BCAS3: variants seen among roughly 807,000 people sequenced by gnomAD.
BCAS3 encodes the protein BCAS3 microtubule associated cell migration factor, also known as BCAS4/BCAS3 fusion.
BCAS3 carries 53 observed loss-of-function variants against 116.1 expected under a neutral mutation model. The ratio of observed to expected loss-of-function variants is 0.46; its 90% CI spans 0.37 to 0.57. The LOEUF (loss-of-function observed/expected upper bound fraction) is 0.57. Ranked by LOEUF, BCAS3 falls within the 20% of genes least tolerant of loss-of-function variation. The probability of loss-of-function intolerance (pLI) is 0.00; values close to 1 mark genes in which losing one functional copy is unlikely to be tolerated. For synonymous variants in BCAS3, 391 were observed against 408.2 expected (o/e 0.96, Z 0.51); for missense variants, 917 against 1,165.4 (o/e 0.79, Z 3.10).
chr17:61,342,791 G>A (rs35383405), intron 22 of BCAS3, among the ~76,000 whole-genome samples: 6 of 149,156 alleles, frequency 4.0e-5, no homozygotes, highest in African/African-American at 1.5e-4. Context: ...TCCCTCTGTA[G>A]CCCAGGCTGG....
rs529622143 is a variant in BCAS3 at position 61,315,973 on chromosome 17, T to C, written c.2426-52354T>C. 5.3e-5 allele frequency among the ~76,000 whole-genome samples: 8 copies of C among 152,286 alleles called. No individual in the cohort carries two copies. In the South Asian group the frequency reaches 1.5e-3, roughly 28 times the overall value. ...TCTTTAGGACCAGGATTTTCCCTTT[T>C]CATGTGTGTTTTCCAGTGTCTAGGA... On this transcript the variant is annotated intron_variant, in intron 22 of 23. Transcript: ENST00000407086. The surrounding 1 kb of genome is among the most constrained non-coding windows in gnomAD (Gnocchi z 5.3).
rs1375663051 is a variant in BCAS3 at position 61,180,116 on chromosome 17, G to A, written c.2425+95552G>A. 1.3e-5 allele frequency among the ~76,000 whole-genome samples: 2 copies of A among 152,026 alleles called. No homozygotes were observed. The highest frequency in any genetic ancestry group is 1.3e-4 in the Admixed American group (2 of 15,258). Reference sequence around the variant, plus strand: ...CTGGTATTGAGATATTTTGGAGTCCGAGACCAGATTGAGTGCACCATTTTG... The same window carrying A: ...CTGGTATTGAGATATTTTGGAGTCCAAGACCAGATTGAGTGCACCATTTTG... On this transcript the variant is annotated intron_variant, in intron 22 of 23. Transcript: ENST00000407086. This position sits in a 1 kb window ranked among gnomAD's most constrained non-coding sequence, Gnocchi z 6.0.
At chr17:61,030,915 G>GTA (rs1415369295) in intron 16 of BCAS3, among the ~76,000 whole-genome samples, 3 of 151,774 alleles carry the variant, frequency 2.0e-5, no homozygotes, top group African/African-American at 7.3e-5. Flanking sequence ...GTAGAAAGGA[G>GTA]TCCATCGAGA....
In BCAS3 at chr17:61,211,927, T is replaced by C. The variant is rs2081482751; in HGVS notation, c.2425+127363T>C. Among the ~76,000 whole-genome samples, 1 of 152,236 alleles carries C rather than the reference T, an allele frequency of 6.6e-6. No individual in the cohort carries two copies. Among genetic ancestry groups the C allele is most frequent in the African/African-American group, 2.4e-5 (1 of 41,462 alleles). ...ATCCATTTCATTCACTGTTGCAGTT[T>C]GCTGTGTGGGTGTTTCTACAATGTG... is the stretch of plus-strand genomic sequence containing the variant. On this transcript the variant is annotated intron_variant, in intron 22 of 23. Coordinates refer to ENST00000407086, the MANE Select transcript of BCAS3 (RefSeq NM_017679.5). This position sits in a 1 kb window ranked among gnomAD's most constrained non-coding sequence, Gnocchi z 4.4.
At chr17:60,771,716 G>A (rs1190826491) in intron 6 of BCAS3, among the ~76,000 whole-genome samples, 1 of 151,930 alleles carries the variant, frequency 6.6e-6, no homozygotes, top group Non-Finnish European at 1.5e-5. Context: ...CCTATCCCAC[G>A]ACAGGCCCCA....
At position 61,381,873 on chromosome 17, in the gene BCAS3, C is replaced by T. The variant is rs1190780384; in HGVS notation, c.2594-10104C>T. On this transcript the variant is annotated intron_variant, in intron 23 of 23. Coordinates refer to ENST00000407086, the MANE Select transcript of BCAS3 (RefSeq NM_017679.5). This position sits in a 1 kb window ranked among gnomAD's most constrained non-coding sequence, Gnocchi z 6.0. Reference sequence around the variant, plus strand: ...AGTCTTAAAGGGACCTCAACCTCAGCACAGCATTATTAATCTAGAAAATTC... The same window carrying T: ...AGTCTTAAAGGGACCTCAACCTCAGTACAGCATTATTAATCTAGAAAATTC... 6.6e-6 allele frequency among the ~76,000 whole-genome samples: 1 copy of T among 152,154 alleles called. No individual in the cohort carries two copies. The highest frequency in any genetic ancestry group is 1.5e-5 in the Non-Finnish European group (1 of 68,030).
At chr17:61,328,890 CT>C (rs922578027) in intron 22 of BCAS3, among the ~76,000 whole-genome samples, 5,009 of 122,564 alleles carry the variant, frequency 0.041, 52 homozygotes, top group Non-Finnish European at 0.053. Context: ...GACGCAGGCT[CT>C]TTTTTTTTTT....
intron 22 of BCAS3, among the ~76,000 whole-genome samples, chr17:61,147,655 A>G (rs1399388971): frequency 6.6e-6 from 1 of 152,138 alleles, no homozygotes; most frequent in East Asian, 1.9e-4. Context: ...GTGTTTTTAT[A>G]TTCTCAATAA....
chr17:61,015,876 T>C lies in BCAS3; in HGVS notation c.1612T>C (p.Leu538=). The C allele has an allele frequency of 2.5e-6, 4 of 1,614,120 alleles. No homozygotes were observed. Among genetic ancestry groups the C allele is most frequent in the Non-Finnish European group, 3.4e-6 (4 of 1,179,984 alleles). ...TGCACAAATCAAGCAGCCAATGACA[T>C]TGGGGACCATCACCAAACGAACCGG... ...PLAQIKQPMT[L]GTITKRTGKV... is the part of the protein sequence containing the mutation. The change falls in exon 16 of 24, where the codon TTG becomes CTG. Residue 538 remains leucine, a synonymous_variant. Transcript: ENST00000407086.
At chr17:61,158,317 T>C (rs574172794) in intron 22 of BCAS3, among the ~76,000 whole-genome samples, 1 of 152,338 alleles carries the variant, frequency 6.6e-6, no homozygotes, top group South Asian at 2.1e-4. Flanking sequence ...AGTGTTTCAG[T>C]CATTTTTTTA....
rs2063475518 is a variant in BCAS3, at chr17:60,990,728, C to T, written c.1486+493C>T. Among the ~76,000 whole-genome samples the T allele has an allele frequency of 6.6e-6, 1 of 151,454 alleles. No homozygotes were observed. Among genetic ancestry groups the T allele is most frequent in the South Asian group, 2.1e-4 (1 of 4,796 alleles). On this transcript the variant is annotated intron_variant, in intron 15 of 23. Coordinates refer to ENST00000407086, the MANE Select transcript of BCAS3 (RefSeq NM_017679.5). The surrounding 1 kb of genome is among the most constrained non-coding windows in gnomAD (Gnocchi z 5.1). ...ATGGCGTGATCTCGGCTGACTGCAA[C>T]CTCTACCTCCCAGGTTCAAGCAATT...
At chr17:60,944,947 G>C (rs564896536) in intron 13 of BCAS3, among the ~76,000 whole-genome samples, 1 of 151,992 alleles carries the variant, frequency 6.6e-6, no homozygotes, top group African/African-American at 2.4e-5. Context: ...TCCTATTTCT[G>C]CTTGCCTCAG....
At chr17:60,785,876 C>T (rs191922541) in intron 6 of BCAS3, among the ~76,000 whole-genome samples, 38 of 152,294 alleles carry the variant, frequency 2.5e-4, no homozygotes, top group Admixed American at 9.8e-4. Context: ...TAAGCATGTA[C>T]AGACTTTCCC....
intron 5 of BCAS3, among the ~76,000 whole-genome samples, chr17:60,711,382 A>G (rs1054877374): frequency 2.0e-5 from 3 of 152,030 alleles, no homozygotes; most frequent in Non-Finnish European, 4.4e-5. Context: ...CTAGGTTGTG[A>G]TAAAACAAAA....
intron 22 of BCAS3, among the ~76,000 whole-genome samples, chr17:61,299,442 CAAAAA>C (rs538072648): frequency 1.7e-5 from 1 of 57,154 alleles, no homozygotes; most frequent in Non-Finnish European, 3.5e-5. Flanking sequence ...GACTCCATCT[CAAAAA>C]AAAAAAAAAA....
Position 61,380,441 on chromosome 17 carries a change from CTT to C in BCAS3, c.2594-11535_2594-11534del, listed in dbSNP as rs2059550944. On this transcript the variant is annotated intron_variant, in intron 23 of 23. Coordinates refer to ENST00000407086, the MANE Select transcript of BCAS3 (RefSeq NM_017679.5). The surrounding 1 kb of genome is among the most constrained non-coding windows in gnomAD (Gnocchi z 4.2). The stretch of plus-strand genomic sequence containing the variant: ...GTATCGACTCACTTTGATCTCAGCT[CTT>C]CCTGCTCTCTTAAAGGTCCAGTTTG... The C allele has an allele frequency of 6.8e-7, 1 of 1,479,462 alleles. No homozygotes were observed. The highest frequency in any genetic ancestry group is 1.4e-5 in the African/African-American group (1 of 72,188). 91.6% of individuals were successfully genotyped at this position (1,479,462 alleles called of 1,614,324 possible). A position where few individuals can be genotyped will look rare whatever the true frequency, so the allele number is the denominator to read the frequency against.
chr17:61,301,618 G>C (rs898409295), intron 22 of BCAS3, among the ~76,000 whole-genome samples: 2 of 152,136 alleles, frequency 1.3e-5, no homozygotes, highest in African/African-American at 4.8e-5. Context: ...ATGACAGTGA[G>C]AGACTCTGTC....
intron 7 of BCAS3, among the ~76,000 whole-genome samples, chr17:60,848,714 T>C (rs1205555939): frequency 6.6e-6 from 1 of 152,086 alleles, no homozygotes. Flanking sequence ...TTATTTTTTT[T>C]TTAAGTCAGG....
chr17:61,368,458 G>C lies in BCAS3; in HGVS notation c.2557G>C (p.Glu853Gln). 1 of 1,611,438 alleles carries C rather than the reference G, an allele frequency of 6.2e-7. No individual in the cohort carries two copies. Among genetic ancestry groups the C allele is most frequent in the Non-Finnish European group, 8.5e-7 (1 of 1,177,768 alleles). Reference protein sequence around the residue: ...LRERLADAMAESPSRDVVGSG... With the variant: ...LRERLADAMAQSPSRDVVGSG... ...GGAGCGACTTGCCGACGCCATGGCC[G>C]AGTCACCTAGCCGGGACGTCGTGGG... Residue 853 changes from glutamate to glutamine, a missense_variant, in exon 23 of 24, where the codon GAG becomes CAG. Physicochemically the swap from Glu to Gln is conservative, Grantham distance 29. This residue lies in a region of BCAS3 where 109 missense variants were observed against 122.8 expected (regional missense o/e 0.89). Coordinates refer to ENST00000407086, the MANE Select transcript of BCAS3 (RefSeq NM_017679.5). The surrounding 1 kb of genome is among the most constrained non-coding windows in gnomAD (Gnocchi z 6.0).
Sources: gnomAD v4.1 joint callset for allele counts (sites outside exome capture counted in the v4.1 genomes callset) on GRCh38, gnomAD v4.1.1 for gene constraint, gnomAD v4.1.1 regional missense constraint, Gnocchi (gnomAD v3.1) non-coding constraint, MANE v1.5 for transcripts, NCBI Gene and HGNC (gene_info 2026-07-23, HGNC 2026-07-21) for gene names.